Variants in ZC3H12C observed in about 807,000 individuals in gnomAD.
ZC3H12C encodes the protein zinc finger CCCH-type containing 12C.
Under a neutral mutation model 76.3 loss-of-function variants are expected in ZC3H12C, and 20 were observed. That is an observed-to-expected ratio of 0.26 (90% CI 0.18 to 0.38). The LOEUF (loss-of-function observed/expected upper bound fraction) is 0.38. Ranked by LOEUF, ZC3H12C falls within the 10% of genes least tolerant of loss-of-function variation. The pLI is 1.00. For missense variants in ZC3H12C, 874 were observed against 1,086.5 expected, an observed-to-expected ratio of 0.80 and a Z score of 2.75; for synonymous variants, 352 against 399.6, an observed-to-expected ratio of 0.88 and a Z score of 1.42.
chr11:110,122,832 CT>C (rs1861674310), intron 1 of ZC3H12C, among the ~76,000 whole-genome samples: 2 of 152,152 alleles, frequency 1.3e-5, no homozygotes, highest in African/African-American at 2.4e-5. Flanking sequence ...ATATTTTCAA[CT>C]TAAGATGGGT....
chr11:110,117,495 CAT>C lies in ZC3H12C; in HGVS notation c.22-19165_22-19164del, dbSNP rs113187852. On this transcript the variant is annotated intron_variant, in intron 1 of 5. Transcript: ENST00000278590. ...TAAAGTTATAATTACATATAGCTAA[CAT>C]ATGAATGCTTGCTATATGCCTTGCA... 1.4e-3 allele frequency among the ~76,000 whole-genome samples: 213 copies of C among 151,612 alleles called. 1 individual carries two copies. The highest frequency in any genetic ancestry group is 4.7e-3 in the African/African-American group (196 of 41,366).
Position 110,137,314 on chromosome 11 carries a change from C to T in ZC3H12C, c.673C>T (p.Leu225=), listed in dbSNP as rs1355128181. ...INTITRETSS[L]ESQRSESPMQ... ...CACTATAACACGGGAAACTTCTTCC[C>T]TGGAATCTCAGAGGTCTGAATCTCC... The change falls in exon 2 of 6, where the codon CTG becomes TTG. Residue 225 remains leucine, a synonymous_variant. Transcript: ENST00000278590. 6.2e-7 allele frequency: 1 copy of T among 1,613,894 alleles called. No homozygotes were observed. The highest frequency in any genetic ancestry group is 8.5e-7 in the Non-Finnish European group (1 of 1,179,862).
At chr11:110,136,623 C>A (rs1191271165) in intron 1 of ZC3H12C, 40 bp from the exon 2 acceptor site, 1 of 1,575,638 alleles carries the variant, frequency 6.3e-7, no homozygotes, top group Admixed American at 1.8e-5. Flanking sequence ...GAAATCTAGC[C>A]ATAACTATGA....
Position 110,165,792 on chromosome 11 carries a change from G to C in ZC3H12C, c.*55G>C. The C allele has an allele frequency of 1.4e-6, 2 of 1,479,644 alleles. No individual in the cohort carries two copies. Among genetic ancestry groups the C allele is most frequent in the Non-Finnish European group, 9.0e-7 (1 of 1,105,600 alleles). 91.7% of individuals were successfully genotyped at this position (1,479,644 alleles called of 1,614,324 possible). A position where few individuals can be genotyped will look rare whatever the true frequency, so the allele number is the denominator to read the frequency against. On this transcript the variant is annotated 3_prime_UTR_variant, in exon 6 of 6. Transcript: ENST00000278590. ...GTTTTTTGTTCAGCTCAAATGCTGA[G>C]GGAGGTTTGCTACAATAGCACATGT...
chr11:110,130,052 C>A (rs1295156577), intron 1 of ZC3H12C, among the ~76,000 whole-genome samples: 1 of 152,074 alleles, frequency 6.6e-6, no homozygotes, highest in African/African-American at 2.4e-5. Context: ...TTACATCTTA[C>A]AAATTTTATG....
At chr11:110,122,604 C>CAG (rs1488898501) in intron 1 of ZC3H12C, among the ~76,000 whole-genome samples, 6 of 152,172 alleles carry the variant, frequency 3.9e-5, no homozygotes, top group Non-Finnish European at 1.5e-5. Flanking sequence ...GCCACATGCA[C>CAG]TTGCTAGAAA....
At chr11:110,140,367 A>G (rs1312393160) in intron 2 of ZC3H12C, among the ~76,000 whole-genome samples, 1 of 152,208 alleles carries the variant, frequency 6.6e-6, no homozygotes, top group East Asian at 1.9e-4. Context: ...TTTGGTACCT[A>G]AAAGTGTTTG....
intron 1 of ZC3H12C, among the ~76,000 whole-genome samples, chr11:110,095,095 A>G (rs1861089704): frequency 1.3e-5 from 2 of 152,200 alleles, no homozygotes; most frequent in Admixed American, 1.3e-4. Flanking sequence ...AGGAAACAGA[A>G]ACTTGGAATG....
intron 1 of ZC3H12C, among the ~76,000 whole-genome samples, chr11:110,102,029 A>AATTG (rs1861226245): frequency 6.6e-6 from 1 of 151,854 alleles, no homozygotes; most frequent in Non-Finnish European, 1.5e-5. Context: ...TTGACAGGGT[A>AATTG]CCACCAAGAA....
At chr11:110,114,906 C>CTTTT (rs1221145134) in intron 1 of ZC3H12C, among the ~76,000 whole-genome samples, 6 of 152,104 alleles carry the variant, frequency 3.9e-5, no homozygotes, top group African/African-American at 1.4e-4. Flanking sequence ...AGAAAGCTAA[C>CTTTT]TGAAAAGTGT....
At position 110,100,657 on chromosome 11, in the gene ZC3H12C, A is replaced by G. The variant is rs528656054; in HGVS notation, c.21+7225A>G. 2.0e-5 allele frequency among the ~76,000 whole-genome samples: 3 copies of G among 152,184 alleles called. 1 individual carries two copies. The South Asian group carries it at 6.2e-4, about 32-fold the overall frequency. ...ATGTTCTGTAATCTGTGATGTCACT[A>G]CTGTAATTTTGGGGGGGTGCCAATA... On this transcript the variant is annotated intron_variant, in intron 1 of 5. Transcript: ENST00000278590.
At chr11:110,133,742 A>G (rs974913458) in intron 1 of ZC3H12C, among the ~76,000 whole-genome samples, 4 of 152,200 alleles carry the variant, frequency 2.6e-5, no homozygotes, top group Non-Finnish European at 4.4e-5. Context: ...CATGATAGCC[A>G]TATAATAAAA....
At chr11:110,130,533 C>T (rs1861842314) in intron 1 of ZC3H12C, among the ~76,000 whole-genome samples, 1 of 152,182 alleles carries the variant, frequency 6.6e-6, no homozygotes, top group Non-Finnish European at 1.5e-5. Context: ...TAGTTAATTG[C>T]TACTTTGACA....
chr11:110,116,283 C>T (rs1385963394), intron 1 of ZC3H12C, among the ~76,000 whole-genome samples: 2 of 150,974 alleles, frequency 1.3e-5, no homozygotes, highest in Non-Finnish European at 2.9e-5. Flanking sequence ...GTGTTAATCC[C>T]AGCACTTTAA....
In ZC3H12C at chr11:110,093,795, CG is replaced by C. The variant is rs369275751; in HGVS notation, c.21+365del. On this transcript the variant is annotated intron_variant, in intron 1 of 5. Coordinates refer to ENST00000278590, the MANE Select transcript of ZC3H12C (RefSeq NM_033390.2). ...AACATGGAGGCGGGCTCGGGCGCCG[CG>C]GATGGAAACGGACACACTGCGCTGC... Among the ~76,000 whole-genome samples, 1,404 of 152,266 alleles carry C rather than the reference CG, an allele frequency of 9.2e-3. 17 individuals carry two copies. Among genetic ancestry groups the C allele is most frequent in the African/African-American group, 0.032 (1,330 of 41,554 alleles).
At chr11:110,127,175 G>C (rs1191751039) in intron 1 of ZC3H12C, among the ~76,000 whole-genome samples, 1 of 152,218 alleles carries the variant, frequency 6.6e-6, no homozygotes, top group African/African-American at 2.4e-5. Context: ...ATGTTTATCA[G>C]GTTCTTGATA....
chr11:110,101,622 A>G (rs1861217438), intron 1 of ZC3H12C, among the ~76,000 whole-genome samples: 1 of 149,102 alleles, frequency 6.7e-6, no homozygotes, highest in Admixed American at 6.8e-5. Context: ...ATCTCAGCTC[A>G]CTGCAACCTC....
intron 3 of ZC3H12C, among the ~76,000 whole-genome samples, chr11:110,154,571 C>G (rs921904942): frequency 3.3e-5 from 5 of 151,770 alleles, no homozygotes; most frequent in Non-Finnish European, 5.9e-5. Context: ...TTGTTTAGAC[C>G]CTTATCTTAC....
At chr11:110,136,491 A>G in intron 1 of ZC3H12C, 172 bp from the exon 2 acceptor site, 1 of 652,478 alleles carries the variant, frequency 1.5e-6, no homozygotes, top group Non-Finnish European at 2.5e-6. Flanking sequence ...TGACTTCTTC[A>G]TCTGAAAAAT....
Sources: allele counts gnomAD v4.1 joint callset (sites outside exome capture counted in the v4.1 genomes callset), GRCh38; gene constraint gnomAD v4.1.1; transcripts MANE v1.5; gene names NCBI Gene and HGNC (gene_info 2026-07-23, HGNC 2026-07-21).